C11orf65: variants seen among roughly 807,000 people sequenced by gnomAD.
The protein encoded by C11orf65 is chromosome 11 open reading frame 65.
A neutral mutation model predicts 35.3 loss-of-function variants in C11orf65; 38 were observed. The ratio of observed to expected loss-of-function variants is 1.08; its 90% CI spans 0.83 to 1.41. The LOEUF (loss-of-function observed/expected upper bound fraction) is 1.41, where lower values mean the gene tolerates loss of function less well. Ranked by LOEUF, C11orf65 falls within the 40% of genes most tolerant of loss-of-function variation. The pLI, the probability that C11orf65 is intolerant of heterozygous loss-of-function variation, is 0.00. For synonymous variants in C11orf65, 105 were observed against 114.4 expected, an observed-to-expected ratio of 0.92 and a Z score of 0.53; for missense variants, 370 against 367.1, an observed-to-expected ratio of 1.01 and a Z score of -0.06.
chr11:108,315,160 G>T (rs180987555), intron 6 of C11orf65, among the ~76,000 whole-genome samples: 32 of 152,318 alleles, frequency 2.1e-4, no homozygotes, highest in African/African-American at 7.5e-4. Flanking sequence ...AACTGCTCAT[G>T]TGGAAATTAT....
chr11:108,310,794 ATTTC>A (rs1317928556), intron 6 of C11orf65, among the ~76,000 whole-genome samples: 3 of 152,174 alleles, frequency 2.0e-5, no homozygotes, highest in African/African-American at 7.2e-5. Context: ...ATTAAGTTTC[ATTTC>A]TTTATCTACC....
chr11:108,414,326 T>A (rs189669466), intron 3 of C11orf65, among the ~76,000 whole-genome samples: 34 of 152,022 alleles, frequency 2.2e-4, no homozygotes, highest in Admixed American at 2.2e-3. Context: ...GGAATAAAAT[T>A]TGTAAAGAAT....
intron 6 of C11orf65, among the ~76,000 whole-genome samples, chr11:108,400,931 C>G (rs939970965): frequency 1.3e-5 from 2 of 151,868 alleles, no homozygotes; most frequent in Non-Finnish European, 2.9e-5. Context: ...ATGTTGAAAC[C>G]CTGCCTCTAC....
chr11:108,325,917 G>T, intron 6 of C11orf65: 1 of 1,023,626 alleles, frequency 9.8e-7, no homozygotes, highest in South Asian at 1.4e-5. Context: ...ATGTCATGCA[G>T]ACAGAGAGGT....
chr11:108,321,172 G>T, intron 6 of C11orf65: 1 of 1,237,198 alleles, frequency 8.1e-7, no homozygotes. Flanking sequence ...TGTATTCACT[G>T]TTGCTTGTTA....
intron 3 of C11orf65, among the ~76,000 whole-genome samples, chr11:108,423,767 T>C (rs1370301562): frequency 3.9e-5 from 6 of 151,970 alleles, no homozygotes; most frequent in South Asian, 2.1e-4. Flanking sequence ...CCCAGGCAAA[T>C]AGGGTCTGGA....
intron 6 of C11orf65, chr11:108,317,243 T>G: frequency 2.2e-6 from 2 of 911,956 alleles, no homozygotes; most frequent in Non-Finnish European, 3.4e-6. Context: ...CCAGCTGATA[T>G]TTTGGGATTT....
At chr11:108,446,883 A>G (rs1387447189) in intron 2 of C11orf65, among the ~76,000 whole-genome samples, 3 of 152,136 alleles carry the variant, frequency 2.0e-5, no homozygotes, top group African/African-American at 4.8e-5. Context: ...GTATTCAGGA[A>G]ACCCATCTCA....
downstream of C11orf65, among the ~76,000 whole-genome samples, chr11:108,327,077 C>T (rs1304568746): frequency 6.6e-6 from 1 of 152,178 alleles, no homozygotes; most frequent in African/African-American, 2.4e-5. Flanking sequence ...ATCTACCCGC[C>T]TTGTCCTCTG....
exon 7 of C11orf65, chr11:108,308,793 TCTC>T (rs1317221451): frequency 1.9e-6 from 1 of 530,194 alleles, no homozygotes; most frequent in Non-Finnish European, 3.4e-6. Context: ...CCATTCTTCT[TCTC>T]TAGTAGAAAA....
chr11:108,413,888 T>A (rs1413936206), intron 3 of C11orf65, among the ~76,000 whole-genome samples: 6 of 152,130 alleles, frequency 3.9e-5, no homozygotes, highest in Non-Finnish European at 7.4e-5. Context: ...AAATACAACT[T>A]ACTAAAATTT....
intron 2 of C11orf65, among the ~76,000 whole-genome samples, chr11:108,444,811 C>A (rs2093224222): frequency 2.0e-5 from 3 of 152,178 alleles, no homozygotes; most frequent in African/African-American, 7.2e-5. Flanking sequence ...AAGGCATTGC[C>A]TCACTCCGGC....
intron 3 of C11orf65, among the ~76,000 whole-genome samples, chr11:108,408,001 TTATTA>T (rs2092578948): frequency 3.7e-4 from 16 of 42,802 alleles, no homozygotes; most frequent in African/African-American, 9.1e-4. Flanking sequence ...TTTCTTTTTA[TTATTA>T]TTATTATTAT....
chr11:108,328,941 GTATTACCTTAA>G (rs1769569726), downstream of C11orf65: 24 of 1,386,912 alleles, frequency 1.7e-5, no homozygotes, highest in Non-Finnish European at 2.4e-5. Flanking sequence ...AAATTTTAGT[GTATTACCTTAA>G]TTTGAGTGAT....
chr11:108,340,797 A>G (rs1188280302), intron 2 of C11orf65, among the ~76,000 whole-genome samples: 2 of 152,244 alleles, frequency 1.3e-5, no homozygotes, highest in Non-Finnish European at 1.5e-5. Context: ...GCATTTGCCT[A>G]TAACCTATGA....
At chr11:108,451,492 A>G (rs575656117) in intron 2 of C11orf65, among the ~76,000 whole-genome samples, 21 of 152,086 alleles carry the variant, frequency 1.4e-4, no homozygotes, top group South Asian at 8.3e-4. Context: ...ACCACTGCTC[A>G]ACAAAATAAA....
intron 6 of C11orf65, among the ~76,000 whole-genome samples, chr11:108,319,292 T>C (rs2085014472): frequency 6.6e-6 from 1 of 152,226 alleles, no homozygotes; most frequent in Non-Finnish European, 1.5e-5. Flanking sequence ...TGATTCTTGC[T>C]TGCCTCTGTA....
chr11:108,337,876 T>C (rs994760532), intron 2 of C11orf65, among the ~76,000 whole-genome samples: 2 of 152,214 alleles, frequency 1.3e-5, no homozygotes, highest in African/African-American at 4.8e-5. Context: ...AGAAAGTAGC[T>C]AAGATTTCCA....
intron 6 of C11orf65, among the ~76,000 whole-genome samples, chr11:108,313,811 A>G (rs2084373980): frequency 6.6e-6 from 1 of 152,206 alleles, no homozygotes; most frequent in Non-Finnish European, 1.5e-5. Context: ...TCACAGAGCA[A>G]GCACCATATA....
Sources: allele counts gnomAD v4.1 joint callset (sites outside exome capture counted in the v4.1 genomes callset), GRCh38; gene constraint gnomAD v4.1.1; transcripts MANE v1.5; gene names NCBI Gene and HGNC (gene_info 2026-07-23, HGNC 2026-07-21).